TRIM38: variants seen among roughly 807,000 people sequenced by gnomAD.
The protein encoded by TRIM38 is tripartite motif containing 38, also known as E3 ubiquitin-protein ligase TRIM38.
In TRIM38, 35 loss-of-function variants were observed where a neutral mutation model predicts 35.8. The ratio of observed to expected loss-of-function variants is 0.98; its 90% CI spans 0.75 to 1.30. The LOEUF is 1.30. Ranked by LOEUF, TRIM38 falls within the 50% of genes most tolerant of loss-of-function variation. The pLI, the probability that TRIM38 is intolerant of heterozygous loss-of-function variation, is 0.00. For missense variants in TRIM38, 545 were observed against 556.9 expected (o/e 0.98, Z 0.21); for synonymous variants, 198 against 204.7 (o/e 0.97, Z 0.28).
chr6:25,975,276 C>A, intron 7 of TRIM38: 1 of 318,416 alleles, frequency 3.1e-6, no homozygotes. Context: ...GTGCCGCAAT[C>A]TCAGCTCACT....
intron 2 of TRIM38, among the ~76,000 whole-genome samples, chr6:25,964,355 A>G (rs1759952716): frequency 6.6e-6 from 1 of 152,166 alleles, no homozygotes; most frequent in Non-Finnish European, 1.5e-5. Context: ...TGATATCAGG[A>G]GAATATAGGT....
At chr6:25,973,720 A>G in intron 7 of TRIM38, 1 of 985,450 alleles carries the variant, frequency 1.0e-6, no homozygotes, top group Non-Finnish European at 1.2e-6. Flanking sequence ...CAACTCTTAG[A>G]GCAATGCAAG....
chr6:25,983,903 T>C lies in TRIM38; in HGVS notation c.*216T>C. On this transcript the variant is annotated 3_prime_UTR_variant, in exon 8 of 8. Coordinates refer to ENST00000357085, the MANE Select transcript of TRIM38 (RefSeq NM_006355.5). ...TAACCTGGACTGGGGCAAAGCAAGATAATAGTGATGATCGTATGTTGCTGT... is the reference window on the plus strand; with the variant it reads ...TAACCTGGACTGGGGCAAAGCAAGACAATAGTGATGATCGTATGTTGCTGT... 4.0e-6 allele frequency: 2 copies of C among 502,974 alleles called. No homozygotes were observed. The highest frequency in any genetic ancestry group is 6.2e-5 in the South Asian group (2 of 32,506). The allele number at this position is 502,974 out of a possible 1,614,324, so 31.2% of individuals were successfully genotyped here.
At chr6:25,975,620 G>A in intron 7 of TRIM38, 1 of 982,706 alleles carries the variant, frequency 1.0e-6, no homozygotes, top group Non-Finnish European at 1.2e-6. Context: ...ACAATATAAA[G>A]GATATAAGGA....
rs1319205425 is a variant in TRIM38 at position 25,986,162 on chromosome 6, C to G, written c.*2475C>G. 1 of 152,044 alleles carries G rather than the reference C, an allele frequency of 6.6e-6. No homozygotes were observed. The highest frequency in any genetic ancestry group is 1.9e-4 in the East Asian group (1 of 5,196). The allele number at this position is 152,044 out of a possible 1,614,324, so 9.4% of individuals were successfully genotyped here. ...AAATTTGAAAACCTTTAAAAAGAAA[C>G]CAATGGCCTAACTGACCCAAGAAGG... is the stretch of plus-strand genomic sequence containing the variant. On this transcript the variant is annotated 3_prime_UTR_variant, in exon 8 of 8. Coordinates refer to ENST00000357085, the MANE Select transcript of TRIM38 (RefSeq NM_006355.5).
At chr6:25,975,177 C>A in intron 7 of TRIM38, 1 of 970,312 alleles carries the variant, frequency 1.0e-6, no homozygotes, top group South Asian at 4.8e-5. Flanking sequence ...CTAAATATTT[C>A]TCCCCTCTTA....
At chr6:25,979,705 G>T (rs1401858566) in intron 7 of TRIM38, among the ~76,000 whole-genome samples, 1 of 149,328 alleles carries the variant, frequency 6.7e-6, no homozygotes, top group Non-Finnish European at 1.5e-5. Flanking sequence ...CTGTTATATT[G>T]TTTAATATCT....
At chr6:25,976,863 A>G (rs1049111958) in intron 7 of TRIM38, among the ~76,000 whole-genome samples, 5 of 152,158 alleles carry the variant, frequency 3.3e-5, no homozygotes, top group Non-Finnish European at 7.4e-5. Flanking sequence ...TTACTTATAT[A>G]ATTTATGATT....
Position 25,985,210 on chromosome 6 carries a change from T to A in TRIM38, c.*1523T>A, listed in dbSNP as rs1328027452. 1 of 151,670 alleles carries A rather than the reference T, an allele frequency of 6.6e-6. No homozygotes were observed. Among genetic ancestry groups the A allele is most frequent in the East Asian group, 1.9e-4 (1 of 5,156 alleles). The allele number at this position is 151,670 out of a possible 1,614,324, so 9.4% of individuals were successfully genotyped here. A position where few individuals can be genotyped will look rare whatever the true frequency, so the allele number is the denominator to read the frequency against. On this transcript the variant is annotated 3_prime_UTR_variant, in exon 8 of 8. Coordinates refer to ENST00000357085, the MANE Select transcript of TRIM38 (RefSeq NM_006355.5). ...ATATGAAATTGTGAAGGTGTCTTCT[T>A]ACTCGGGGAAGAACAAAAGTTAGTC...
At chr6:25,963,557 G>A (rs1368558500) in intron 2 of TRIM38, among the ~76,000 whole-genome samples, 1 of 152,108 alleles carries the variant, frequency 6.6e-6, no homozygotes, top group Non-Finnish European at 1.5e-5. Context: ...CAATCACTCT[G>A]AACATGTCTC....
intron 3 of TRIM38, 59 bp downstream of exon 3, chr6:25,966,992 G>A: frequency 6.7e-7 from 1 of 1,493,086 alleles, no homozygotes; most frequent in Non-Finnish European, 9.0e-7. Flanking sequence ...CTCCCCAGGA[G>A]CTGAGATGAT....
intron 4 of TRIM38, 28 bp from the exon 5 acceptor site, chr6:25,971,834 ACTTCCAC>A: frequency 6.4e-7 from 1 of 1,570,088 alleles, no homozygotes; most frequent in South Asian, 1.1e-5. Flanking sequence ...CATTTGGTTT[ACTTCCAC>A]CTTTTGACCA....
chr6:25,973,923 C>CA (rs1271163038), intron 7 of TRIM38: 3 of 956,758 alleles, frequency 3.1e-6, no homozygotes, highest in Non-Finnish European at 3.7e-6. Flanking sequence ...AGTACAAAAT[C>CA]AAAAAAACCC....
intron 2 of TRIM38, among the ~76,000 whole-genome samples, chr6:25,965,554 C>T (rs1167318298): frequency 2.0e-5 from 3 of 151,944 alleles, no homozygotes; most frequent in Admixed American, 6.6e-5. Context: ...CCCAGGAGGT[C>T]GAGGCTGCAG....
chr6:25,976,976 C>T (rs770603008), intron 7 of TRIM38, among the ~76,000 whole-genome samples: 15 of 151,524 alleles, frequency 9.9e-5, no homozygotes, highest in Non-Finnish European at 1.9e-4. Flanking sequence ...GTCCATTAGC[C>T]CTTCAGGCCT....
intron 2 of TRIM38, among the ~76,000 whole-genome samples, chr6:25,964,123 A>G (rs1235141682): frequency 6.6e-6 from 1 of 152,136 alleles, no homozygotes; most frequent in African/African-American, 2.4e-5. Context: ...GAAAAGGCAT[A>G]CAAATTTATT....
rs749207397 is a variant in TRIM38, at chr6:25,977,366, G to C, written c.874+4081G>C. Reference sequence around the variant, plus strand: ...GTACCCAGCCTGGGCAACAGAGCTAGACCCTGTCTATTAAAGGAGGAGGCC... The same window carrying C: ...GTACCCAGCCTGGGCAACAGAGCTACACCCTGTCTATTAAAGGAGGAGGCC... On this transcript the variant is annotated intron_variant, in intron 7 of 7. Coordinates refer to ENST00000357085, the MANE Select transcript of TRIM38 (RefSeq NM_006355.5). Among the ~76,000 whole-genome samples the C allele has an allele frequency of 5.3e-5, 8 of 152,250 alleles. No individual in the cohort carries two copies. In the South Asian group the frequency reaches 1.0e-3, roughly 20 times the overall value.
Position 25,987,206 on chromosome 6 carries a change from G to GCCCCCCCCCC in TRIM38, c.*3525_*3526insCCCCCCCCCC, listed in dbSNP as rs1377807409. The GCCCCCCCCCC allele has an allele frequency of 1.3e-5, 1 of 76,472 alleles. No individual in the cohort carries two copies. Among genetic ancestry groups the GCCCCCCCCCC allele is most frequent in the Non-Finnish European group, 2.7e-5 (1 of 37,044 alleles). The allele number at this position is 76,472 out of a possible 1,614,324, so 4.7% of individuals were successfully genotyped here. A position where few individuals can be genotyped will look rare whatever the true frequency, so the allele number is the denominator to read the frequency against. Reference sequence around the variant, plus strand: ...TAAAAGCTTAACAAAGGTACTCCCCGCCCCCCGCCCGCCACACACCATCCC... The same window carrying GCCCCCCCCCC: ...TAAAAGCTTAACAAAGGTACTCCCCGCCCCCCCCCCCCCCCCGCCCGCCACACACCATCCC... On this transcript the variant is annotated 3_prime_UTR_variant, in exon 8 of 8. Coordinates refer to ENST00000357085, the MANE Select transcript of TRIM38 (RefSeq NM_006355.5).
chr6:25,975,689 A>T, intron 7 of TRIM38: 1 of 978,646 alleles, frequency 1.0e-6, no homozygotes, highest in South Asian at 4.7e-5. Flanking sequence ...AGGGTGATCT[A>T]TATCTTTCCC....
Sources: allele counts gnomAD v4.1 joint callset (sites outside exome capture counted in the v4.1 genomes callset), GRCh38; gene constraint gnomAD v4.1.1; transcripts MANE v1.5; gene names NCBI Gene and HGNC (gene_info 2026-07-23, HGNC 2026-07-21).